The following ERGIC1 variants were observed in gnomAD, a reference collection of about 807,000 sequenced individuals.
ERGIC1 encodes the protein endoplasmic reticulum-Golgi intermediate compartment protein 1.
ERGIC1 carries 19 observed loss-of-function variants against 38.3 expected under a neutral mutation model. The observed-to-expected ratio is 0.50, with a 90% CI of 0.35 to 0.73. ERGIC1 has a LOEUF of 0.73. ERGIC1 is among the 30% of genes least tolerant of loss of function. The pLI, the probability that ERGIC1 is intolerant of heterozygous loss-of-function variation, is 0.01. For synonymous variants in ERGIC1, 124 were observed against 157.6 expected, an observed-to-expected ratio of 0.79 and a Z score of 1.60; for missense variants, 294 against 389.2, an observed-to-expected ratio of 0.76 and a Z score of 2.06.
Position 172,924,046 on chromosome 5 carries a change from C to G in ERGIC1, c.417C>G (p.Ala139=). ...ACGTGTCCACACACAGTGCCACAGC[C>G]CAGCCACAGAACCCAGACATGACGC... The part of the protein sequence containing the change: ...NFHVSTHSAT[A]QPQNPDMTHV... The change falls in exon 6 of 10, where the codon GCC becomes GCG. Residue 139 remains alanine, a synonymous_variant. Transcript: ENST00000393784. 6 of 1,614,230 alleles carry G rather than the reference C, an allele frequency of 3.7e-6. No homozygotes were observed. The highest frequency in any genetic ancestry group is 5.1e-6 in the Non-Finnish European group (6 of 1,180,050).
At chr5:172,930,514 TG>T (rs1400285543) in intron 7 of ERGIC1, among the ~76,000 whole-genome samples, 4 of 152,118 alleles carry the variant, frequency 2.6e-5, no homozygotes, top group Non-Finnish European at 5.9e-5. Context: ...GGCTAATTTT[TG>T]TATTTTTAGT....
At chr5:172,887,255 C>T (rs1762446956) in intron 1 of ERGIC1, among the ~76,000 whole-genome samples, 1 of 152,194 alleles carries the variant, frequency 6.6e-6, no homozygotes, top group Admixed American at 6.5e-5. Flanking sequence ...GCCGGCCTCT[C>T]CAGCAAGTCA....
intron 2 of ERGIC1, among the ~76,000 whole-genome samples, chr5:172,889,521 A>G (rs1431377632): frequency 6.6e-6 from 1 of 152,178 alleles, no homozygotes; most frequent in Non-Finnish European, 1.5e-5. Context: ...GGGTAAAGAT[A>G]GAGGAGCCTG....
At chr5:172,883,913 G>A (rs1762347413) in intron 1 of ERGIC1, among the ~76,000 whole-genome samples, 1 of 152,166 alleles carries the variant, frequency 6.6e-6, no homozygotes, top group Admixed American at 6.5e-5. Flanking sequence ...AGCCTTGGGA[G>A]GTTGAGGCTG....
intron 1 of ERGIC1, among the ~76,000 whole-genome samples, chr5:172,858,153 G>T (rs138621797): frequency 2.0e-5 from 3 of 152,322 alleles, no homozygotes; most frequent in Admixed American, 6.5e-5. Flanking sequence ...GGTGCTTAGG[G>T]TTCACTGGGC....
chr5:172,868,948 G>C (rs549867607), intron 1 of ERGIC1, among the ~76,000 whole-genome samples: 1 of 152,390 alleles, frequency 6.6e-6, no homozygotes, highest in East Asian at 1.9e-4. Flanking sequence ...ACCCCCAGCA[G>C]TGATGTGCAG....
intron 1 of ERGIC1, among the ~76,000 whole-genome samples, chr5:172,842,514 A>G (rs756369871): frequency 1.1e-4 from 17 of 152,192 alleles, no homozygotes; most frequent in Admixed American, 5.9e-4. Context: ...CCTGATTTCA[A>G]TTCTTTTGGA....
chr5:172,932,147 C>G (rs534333988), intron 7 of ERGIC1, among the ~76,000 whole-genome samples: 1 of 152,332 alleles, frequency 6.6e-6, no homozygotes, highest in African/African-American at 2.4e-5. Context: ...GCGTGAGCCA[C>G]CACGCCTGGC....
At chr5:172,850,450 C>T (rs1489979567) in intron 1 of ERGIC1, among the ~76,000 whole-genome samples, 1 of 152,142 alleles carries the variant, frequency 6.6e-6, no homozygotes, top group Non-Finnish European at 1.5e-5. Flanking sequence ...CTGTTCCATG[C>T]TGCCAGGCAG....
intron 6 of ERGIC1, 89 bp downstream of exon 6, chr5:172,924,198 G>A: frequency 7.9e-7 from 1 of 1,258,460 alleles, no homozygotes. Context: ...CTGGGCACTA[G>A]GAAGAGTTAC....
At chr5:172,912,363 A>T (rs1223032741) in intron 4 of ERGIC1, among the ~76,000 whole-genome samples, 1 of 152,094 alleles carries the variant, frequency 6.6e-6, no homozygotes. Flanking sequence ...TGATAATATT[A>T]TCTTCCCCAC....
chr5:172,928,038 G>C (rs759332666), intron 7 of ERGIC1, among the ~76,000 whole-genome samples: 2 of 152,114 alleles, frequency 1.3e-5, no homozygotes, highest in Non-Finnish European at 2.9e-5. Flanking sequence ...CAAATGTCTG[G>C]TTGTAATAGA....
At chr5:172,864,092 G>A (rs956160750) in intron 1 of ERGIC1, among the ~76,000 whole-genome samples, 2 of 151,806 alleles carry the variant, frequency 1.3e-5, no homozygotes, top group Non-Finnish European at 2.9e-5. Flanking sequence ...AGCTACTCGA[G>A]AGGCTGAGGC....
chr5:172,945,056 G>A (rs975426552), intron 9 of ERGIC1, among the ~76,000 whole-genome samples: 2 of 152,054 alleles, frequency 1.3e-5, no homozygotes, highest in African/African-American at 2.4e-5. Flanking sequence ...CAACAAACAC[G>A]TCTTGTGCAC....
At chr5:172,950,595 C>T (rs1008831669) in intron 9 of ERGIC1, 114 bp from the exon 10 acceptor site, 9 of 881,744 alleles carry the variant, frequency 1.0e-5, no homozygotes, top group Admixed American at 4.7e-5. Flanking sequence ...ATGGGCTTAA[C>T]GGGCAATGTC....
chr5:172,877,423 TG>T, intron 1 of ERGIC1, among the ~76,000 whole-genome samples: 1 of 125,018 alleles, frequency 8.0e-6, no homozygotes, highest in African/African-American at 3.2e-5. Context: ...TGTGTGTGTG[TG>T]TGTGTGTGTG....
chr5:172,891,488 GAGTAC>G (rs1293658034), intron 2 of ERGIC1, among the ~76,000 whole-genome samples: 1 of 151,814 alleles, frequency 6.6e-6, no homozygotes, highest in Non-Finnish European at 1.5e-5. Context: ...CCCCAGGCTG[GAGTAC>G]AGTGGTGGGA....
chr5:172,834,530 G>A lies in ERGIC1; in HGVS notation c.20+97G>A. ...CCCCTCCCGCCCTGCATGCAAAAGC[G>A]GCTCCCCGCCCTGTGCATGCCTCCG... On this transcript the variant is annotated intron_variant, in intron 1 of 9. Transcript: ENST00000393784. The surrounding 1 kb of genome is among the most constrained non-coding windows in gnomAD (Gnocchi z 4.1). 1 of 1,190,404 alleles carries A rather than the reference G, an allele frequency of 8.4e-7. No individual in the cohort carries two copies. The highest frequency in any genetic ancestry group is 3.3e-5 in the East Asian group (1 of 30,544). 73.7% of individuals were successfully genotyped at this position (1,190,404 alleles called of 1,614,324 possible).
rs188279336 is a variant in ERGIC1, at chr5:172,908,070, C to A, written c.156-1597C>A. ...GCCGATGCGGTCGACAGAATAATGA[C>A]CCCCTGCCCCCTGTGATGTCTAGGT... is the stretch of plus-strand genomic sequence containing the variant. On this transcript the variant is annotated intron_variant, in intron 3 of 9. Coordinates refer to ENST00000393784, the MANE Select transcript of ERGIC1 (RefSeq NM_001031711.3). Among the ~76,000 whole-genome samples the A allele has an allele frequency of 2.6e-3, 389 of 151,682 alleles. 2 individuals carry two copies. The highest frequency in any genetic ancestry group is 8.9e-3 in the African/African-American group (366 of 41,304).
Sources: gnomAD v4.1 joint callset for allele counts (sites outside exome capture counted in the v4.1 genomes callset) on GRCh38, gnomAD v4.1.1 for gene constraint, Gnocchi (gnomAD v3.1) non-coding constraint, MANE v1.5 for transcripts, NCBI Gene and HGNC (gene_info 2026-07-23, HGNC 2026-07-21) for gene names.